VTI1A: variants seen among roughly 807,000 people sequenced by gnomAD.
VTI1A encodes the protein vesicle transport through interaction with t-SNAREs homolog 1A.
Under a neutral mutation model 34.9 loss-of-function variants are expected in VTI1A, and 22 were observed. The ratio of observed to expected loss-of-function variants is 0.63; its 90% confidence interval spans 0.45 to 0.90. The LOEUF is 0.90. Ranked by LOEUF, VTI1A falls within the 40% of genes least tolerant of loss-of-function variation. The pLI is 0.00. For synonymous variants in VTI1A, 87 were observed against 97.3 expected (o/e 0.89, Z 0.62); for missense variants, 268 against 275.6 (o/e 0.97, Z 0.20).
At chr10:112,830,822 CATAT>C in the VTI1A span, among the ~76,000 whole-genome samples, 733 of 54,714 alleles carry the variant, frequency 0.013, 58 homozygotes, top group Non-Finnish European at 0.013. Context: ...CTAAAACCCT[CATAT>C]ATATATATAT....
chr10:112,766,294 T>C (rs553272490), intron 7 of VTI1A, among the ~76,000 whole-genome samples: 91 of 152,312 alleles, frequency 6.0e-4, no homozygotes, highest in African/African-American at 2.2e-3. Context: ...ATAAATAAGG[T>C]TAAGTTCAAC....
intron 5 of VTI1A, among the ~76,000 whole-genome samples, chr10:112,542,587 G>A (rs1326948823): frequency 6.6e-6 from 1 of 152,064 alleles, no homozygotes; most frequent in Non-Finnish European, 1.5e-5. Context: ...CTTCACCCAG[G>A]GCCCTGCGTG....
intron 7 of VTI1A, among the ~76,000 whole-genome samples, chr10:112,772,782 T>C (rs575724135): frequency 1.3e-5 from 2 of 152,350 alleles, no homozygotes; most frequent in East Asian, 3.9e-4. Flanking sequence ...AGCCATGTTT[T>C]TGAAGGAAGA....
intron 4 of VTI1A, among the ~76,000 whole-genome samples, chr10:112,531,230 T>G (rs938405260): frequency 6.6e-6 from 1 of 152,102 alleles, no homozygotes; most frequent in African/African-American, 2.4e-5. Context: ...CCAGATTTTT[T>G]CAGCCCACAA....
chr10:112,615,226 C>G (rs1845471684), intron 5 of VTI1A, among the ~76,000 whole-genome samples: 1 of 152,080 alleles, frequency 6.6e-6, no homozygotes, highest in Admixed American at 6.5e-5. Flanking sequence ...AAATTATTTG[C>G]AAGAATAAAC....
chr10:112,722,888 G>A (rs1849863655), intron 7 of VTI1A, among the ~76,000 whole-genome samples: 1 of 152,166 alleles, frequency 6.6e-6, no homozygotes, highest in African/African-American at 2.4e-5. Context: ...GTTTGCTTTT[G>A]TAATTCAGCT....
At chr10:112,713,844 G>A (rs764653471) in intron 7 of VTI1A, among the ~76,000 whole-genome samples, 3 of 152,116 alleles carry the variant, frequency 2.0e-5, no homozygotes, top group African/African-American at 2.4e-5. Context: ...ATGCTGCTCT[G>A]GTCCTTAACA....
At chr10:112,697,372 G>A (rs1848827765) in intron 7 of VTI1A, among the ~76,000 whole-genome samples, 1 of 121,818 alleles carries the variant, frequency 8.2e-6, no homozygotes, top group Non-Finnish European at 1.8e-5. Context: ...TCTGTTCTTG[G>A]TATTTTCTTT....
intron 7 of VTI1A, among the ~76,000 whole-genome samples, chr10:112,762,343 T>C (rs960994361): frequency 2.0e-5 from 3 of 152,042 alleles, no homozygotes; most frequent in Admixed American, 6.5e-5. Context: ...AAAAGTAGGC[T>C]GAGAACTTTT....
intron 5 of VTI1A, among the ~76,000 whole-genome samples, chr10:112,541,999 T>TG (rs1554899730): frequency 3.8e-4 from 58 of 152,320 alleles, no homozygotes; most frequent in African/African-American, 1.3e-3. Flanking sequence ...GCTCTTTTTT[T>TG]TTGTTGTTGT....
At chr10:112,621,817 G>T (rs1845748499) in intron 5 of VTI1A, among the ~76,000 whole-genome samples, 1 of 152,150 alleles carries the variant, frequency 6.6e-6, no homozygotes, top group African/African-American at 2.4e-5. Flanking sequence ...GACTACTCCA[G>T]AGTCCCTGGG....
intron 5 of VTI1A, among the ~76,000 whole-genome samples, chr10:112,567,417 G>A (rs1281281241): frequency 1.3e-5 from 2 of 152,158 alleles, no homozygotes; most frequent in Non-Finnish European, 2.9e-5. Context: ...TTATGATAAT[G>A]TGAAAATTTA....
At chr10:112,638,215 A>G (rs1035681364) in intron 5 of VTI1A, among the ~76,000 whole-genome samples, 6 of 152,218 alleles carry the variant, frequency 3.9e-5, no homozygotes, top group African/African-American at 1.4e-4. Flanking sequence ...GATTATTGAA[A>G]ATGCCTCATA....
intron 5 of VTI1A, among the ~76,000 whole-genome samples, chr10:112,585,754 A>T (rs1844127256): frequency 6.7e-6 from 1 of 149,970 alleles, no homozygotes; most frequent in Non-Finnish European, 1.5e-5. Flanking sequence ...TAGCATATTG[A>T]CATAGAGTAC....
chr10:112,477,656 C>T (rs1186140321), intron 3 of VTI1A, among the ~76,000 whole-genome samples: 1 of 152,210 alleles, frequency 6.6e-6, no homozygotes, highest in Non-Finnish European at 1.5e-5. Context: ...AGTCACATTG[C>T]ATGGCATTGG....
chr10:112,447,472 G>A lies in VTI1A; in HGVS notation c.94+5G>A. The A allele has an allele frequency of 1.9e-6, 3 of 1,613,040 alleles. No individual in the cohort carries two copies. In the Middle Eastern group the frequency reaches 5.3e-4, roughly 284 times the overall value. On this transcript the variant is annotated splice_donor_5th_base_variant and intron_variant, in intron 1 of 7. Coordinates refer to ENST00000393077, the MANE Select transcript of VTI1A (RefSeq NM_145206.4). The stretch of plus-strand genomic sequence containing the variant: ...GGGTCCCACGACTCCCGCCTGGTGA[G>A]AGCCTTGCCCGGCTGGACGAGGGTG...
the VTI1A span, among the ~76,000 whole-genome samples, chr10:112,835,684 T>C: frequency 6.6e-6 from 1 of 152,154 alleles, no homozygotes; most frequent in Non-Finnish European, 1.5e-5. Context: ...CTGCACACAC[T>C]CTTGGGCAAA....
chr10:112,615,910 A>G (rs1714246459), intron 5 of VTI1A, among the ~76,000 whole-genome samples: 1 of 152,128 alleles, frequency 6.6e-6, no homozygotes, highest in Non-Finnish European at 1.5e-5. Flanking sequence ...GCCTAGAGGC[A>G]GAGATGAGAG....
chr10:112,796,826 T>G (rs1852692597), intron 7 of VTI1A, among the ~76,000 whole-genome samples: 1 of 152,182 alleles, frequency 6.6e-6, no homozygotes, highest in African/African-American at 2.4e-5. Flanking sequence ...ATCCTTTTTT[T>G]CCCCCTTTCT....
Sources: allele counts gnomAD v4.1 joint callset (sites outside exome capture counted in the v4.1 genomes callset), GRCh38; gene constraint gnomAD v4.1.1; transcripts MANE v1.5; gene names NCBI Gene and HGNC (gene_info 2026-07-23, HGNC 2026-07-21).